EPC1: variants seen among roughly 807,000 people sequenced by gnomAD.
EPC1 encodes the protein enhancer of polycomb 1.
Under a neutral mutation model 98.4 loss-of-function variants are expected in EPC1, and 12 were observed. The ratio of observed to expected loss-of-function variants is 0.12; its 90% CI spans 0.08 to 0.20. EPC1 has a LOEUF of 0.20. Among genes scored for constraint, EPC1 ranks in the 10% least tolerant of loss-of-function variants. EPC1 has a pLI of 1.00. For missense variants in EPC1, 729 were observed against 990.5 expected, an observed-to-expected ratio of 0.74 and a Z score of 3.54; for synonymous variants, 357 against 363.9, an observed-to-expected ratio of 0.98 and a Z score of 0.21.
At chr10:32,320,013 C>T (rs1195068542) in intron 1 of EPC1, among the ~76,000 whole-genome samples, 1 of 151,926 alleles carries the variant, frequency 6.6e-6, no homozygotes, top group Non-Finnish European at 1.5e-5. Context: ...TAAAGTGCCA[C>T]GATGTAGGCA....
chr10:32,361,865 A>G (rs369518341), intron 1 of EPC1, among the ~76,000 whole-genome samples: 2 of 152,218 alleles, frequency 1.3e-5, no homozygotes, highest in South Asian at 4.1e-4. Context: ...AGGTCAGCAC[A>G]AGATACAGGT....
chr10:32,339,499 C>T (rs1838194310), intron 1 of EPC1, among the ~76,000 whole-genome samples: 1 of 152,136 alleles, frequency 6.6e-6, no homozygotes, highest in South Asian at 2.1e-4. Context: ...GAGCCGAGAT[C>T]ATGCCACTGC....
intron 1 of EPC1, among the ~76,000 whole-genome samples, chr10:32,343,546 A>G (rs1200710768): frequency 2.0e-5 from 3 of 152,230 alleles, no homozygotes; most frequent in Non-Finnish European, 1.5e-5. Flanking sequence ...ATTTCGATGC[A>G]TTACATTCTG....
chr10:32,375,974 A>G (rs1839863477), intron 1 of EPC1, among the ~76,000 whole-genome samples: 2 of 151,994 alleles, frequency 1.3e-5, no homozygotes, highest in African/African-American at 4.8e-5. Context: ...AATTAAAAAA[A>G]ATAATGTTCA....
chr10:32,371,268 T>G (rs1028838054), intron 1 of EPC1, among the ~76,000 whole-genome samples: 1 of 152,186 alleles, frequency 6.6e-6, no homozygotes, highest in African/African-American at 2.4e-5. Flanking sequence ...ATGGAGAGTT[T>G]CCAGTGGATT....
intron 1 of EPC1, among the ~76,000 whole-genome samples, chr10:32,325,433 A>T (rs1362414730): frequency 6.6e-6 from 1 of 152,094 alleles, no homozygotes; most frequent in Non-Finnish European, 1.5e-5. Context: ...TATGGAAACA[A>T]GAGAAAATTC....
chr10:32,365,431 A>C (rs1243167505), intron 1 of EPC1, among the ~76,000 whole-genome samples: 1 of 152,218 alleles, frequency 6.6e-6, no homozygotes. Context: ...TTATTTAGGC[A>C]CTGAGAAAAA....
At chr10:32,355,439 T>A (rs1314863246) in intron 1 of EPC1, among the ~76,000 whole-genome samples, 9 of 152,146 alleles carry the variant, frequency 5.9e-5, no homozygotes, top group Admixed American at 5.9e-4. Context: ...ATTTTAGAAA[T>A]ATTTGGTGGT....
intron 1 of EPC1, among the ~76,000 whole-genome samples, chr10:32,354,671 T>G (rs1239898103): frequency 6.7e-6 from 1 of 148,510 alleles, no homozygotes; most frequent in African/African-American, 2.5e-5. Flanking sequence ...GTATTGGGAT[T>G]TACACATTTA....
chr10:32,361,927 C>T (rs1046887083), intron 1 of EPC1, among the ~76,000 whole-genome samples: 1 of 152,146 alleles, frequency 6.6e-6, no homozygotes, highest in Non-Finnish European at 1.5e-5. Flanking sequence ...TGGCTAAAAC[C>T]ATCAAAACCA....
intron 1 of EPC1, among the ~76,000 whole-genome samples, chr10:32,334,827 A>G (rs1837858115): frequency 6.6e-6 from 1 of 152,178 alleles, no homozygotes; most frequent in Admixed American, 6.5e-5. Context: ...GCATCTCCCA[A>G]TAACTGACAA....
Position 32,271,925 on chromosome 10 carries a change from GAA to G in EPC1, c.2006-10_2006-9del, listed in dbSNP as rs1165465341. 1 of 1,604,432 alleles carries G rather than the reference GAA, an allele frequency of 6.2e-7. No individual in the cohort carries two copies. Among genetic ancestry groups the G allele is most frequent in the African/African-American group, 1.3e-5 (1 of 74,150 alleles). ...GTAAGCCCTTGTATACTCCTAGAGA[GAA>G]AAAGAAAGAAACATCTAAACAATGT... On this transcript the variant is annotated splice_polypyrimidine_tract_variant and intron_variant, in intron 12 of 13. Coordinates refer to ENST00000319778, the MANE Select transcript of EPC1 (RefSeq NM_001272004.3).
intron 12 of EPC1, 52 bp downstream of exon 12, chr10:32,271,974 T>C: frequency 1.3e-6 from 2 of 1,594,914 alleles, no homozygotes; most frequent in South Asian, 1.1e-5. Context: ...GTTTATATTA[T>C]AGATATATGT....
rs538343876 is a variant in EPC1, at chr10:32,375,093, G to A, written c.3+3398C>T. Among the ~76,000 whole-genome samples, 53 of 152,162 alleles carry A rather than the reference G, an allele frequency of 3.5e-4. No homozygotes were observed. In the South Asian group the frequency reaches 5.2e-3, roughly 15 times the overall value. ...TTTTCTTTTGCAAAACCATGCTGAG[G>A]AGGACAGTGGTGTATCTGTATCGTC... On this transcript the variant is annotated intron_variant, in intron 1 of 13. Coordinates refer to the EPC1 transcript ENST00000375110.
At chr10:32,363,964 G>T (rs1225286520) in intron 1 of EPC1, among the ~76,000 whole-genome samples, 13 of 119,176 alleles carry the variant, frequency 1.1e-4, no homozygotes, top group African/African-American at 4.0e-4. Flanking sequence ...CAGAGAAAAA[G>T]TCTAATTTTA....
At chr10:32,323,962 G>A (rs1166820212) in intron 1 of EPC1, among the ~76,000 whole-genome samples, 3 of 152,010 alleles carry the variant, frequency 2.0e-5, no homozygotes, top group Non-Finnish European at 4.4e-5. Context: ...TTGAGACAGA[G>A]TCTCGCTCTG....
At chr10:32,338,277 C>A (rs560771379) in intron 1 of EPC1, among the ~76,000 whole-genome samples, 7 of 152,262 alleles carry the variant, frequency 4.6e-5, no homozygotes, top group African/African-American at 1.7e-4. Context: ...TCAAATCCAC[C>A]AGCAAGTTCT....
intron 1 of EPC1, among the ~76,000 whole-genome samples, chr10:32,352,211 A>AT (rs1041923889): frequency 8.1e-5 from 12 of 147,806 alleles, no homozygotes; most frequent in Middle Eastern, 3.6e-3. Flanking sequence ...CGCCCGGCTA[A>AT]TTTTTTTTTT....
At chr10:32,277,768 C>CA (rs1429974717) in intron 10 of EPC1, among the ~76,000 whole-genome samples, 1 of 152,072 alleles carries the variant, frequency 6.6e-6, no homozygotes, top group Non-Finnish European at 1.5e-5. Context: ...GGTGTTTCAC[C>CA]ATGTTGCTCA....
Sources: gnomAD v4.1 joint callset for allele counts (sites outside exome capture counted in the v4.1 genomes callset) on GRCh38, gnomAD v4.1.1 for gene constraint, MANE v1.5 for transcripts, NCBI Gene and HGNC (gene_info 2026-07-23, HGNC 2026-07-21) for gene names.